The following LGI3 variants were observed in gnomAD, a reference collection of about 807,000 sequenced individuals.
LGI3 encodes leucine-rich repeat LGI family member 3.
A neutral mutation model predicts 55.4 loss-of-function variants in LGI3; 47 were observed. That is an observed-to-expected ratio of 0.85 (90% CI 0.67 to 1.08). The LOEUF (loss-of-function observed/expected upper bound fraction) is 1.08. Among genes scored for constraint, LGI3 ranks in the 50% least tolerant of loss-of-function variants. The probability of loss-of-function intolerance (pLI) is 0.00; values close to 1 mark genes in which losing one functional copy is unlikely to be tolerated. For missense variants in LGI3, 664 were observed against 726.3 expected, an observed-to-expected ratio of 0.91 and a Z score of 0.99; for synonymous variants, 326 against 315.0, an observed-to-expected ratio of 1.04 and a Z score of -0.37.
At chr8:22,150,082 G>T (rs1235515286) in intron 7 of LGI3, among the ~76,000 whole-genome samples, 1 of 152,104 alleles carries the variant, frequency 6.6e-6, no homozygotes, top group Non-Finnish European at 1.5e-5. Flanking sequence ...TAACACCTTT[G>T]TCTCCTCCAC....
intron 7 of LGI3, among the ~76,000 whole-genome samples, chr8:22,150,093 T>A (rs1447376236): frequency 6.6e-6 from 1 of 152,118 alleles, no homozygotes; most frequent in African/African-American, 2.4e-5. Flanking sequence ...TCTCCTCCAC[T>A]CACCCTTCCC....
In LGI3 at chr8:22,151,484, G is replaced by A. The variant is rs575298877; in HGVS notation, c.829+5C>T. 1 of 1,613,460 alleles carries A rather than the reference G, an allele frequency of 6.2e-7. No homozygotes were observed. The highest frequency in any genetic ancestry group is 2.2e-5 in the East Asian group (1 of 44,864). ...GGCCAGCAGAACCAGATTGGGCGCA[G>A]GTACCTGGGATTCTATCATAGTCTC... is the stretch of plus-strand genomic sequence containing the variant. On this transcript the variant is annotated splice_donor_5th_base_variant and intron_variant, in intron 7 of 7. Coordinates refer to ENST00000306317, the MANE Select transcript of LGI3 (RefSeq NM_139278.4).
At chr8:22,150,749 T>TTCTGTTCAGCA (rs1827367314) in intron 7 of LGI3, among the ~76,000 whole-genome samples, 1 of 151,888 alleles carries the variant, frequency 6.6e-6, no homozygotes, top group Non-Finnish European at 1.5e-5. Flanking sequence ...CAGGCACATA[T>TTCTGTTCAGCA]CCCCCTACTG....
intron 5 of LGI3, among the ~76,000 whole-genome samples, chr8:22,153,711 T>TA (rs534582339): frequency 0.053 from 6,867 of 130,238 alleles, 229 homozygotes; most frequent in African/African-American, 0.1. Context: ...CGTCTATAAT[T>TA]AAAAAAAAAA....
intron 7 of LGI3, among the ~76,000 whole-genome samples, chr8:22,149,712 C>T (rs562226101): frequency 3.2e-4 from 48 of 152,260 alleles, no homozygotes; most frequent in African/African-American, 8.4e-4. Context: ...AGCTGCTGCC[C>T]GGCATCTCCA....
chr8:22,156,387 G>A lies in LGI3; in HGVS notation c.156C>T (p.Cys52=). The A allele has an allele frequency of 6.2e-7, 1 of 1,604,304 alleles. No homozygotes were observed. Among genetic ancestry groups the A allele is most frequent in the South Asian group, 1.1e-5 (1 of 90,172 alleles). The part of the protein sequence containing the change: ...SCSCTRDTAF[C]VDSKAVPRNL... ...TCCTGGGCACCGCCTTTGAGTCCACGCAGAAGGCGGTGTCCCTGGTGCAAG... is the reference window on the plus strand; with the variant it reads ...TCCTGGGCACCGCCTTTGAGTCCACACAGAAGGCGGTGTCCCTGGTGCAAG... Residue 52 remains cysteine (C), a synonymous_variant, in exon 1 of 8, where the codon TGC becomes TGT. Transcript: ENST00000306317.
Position 22,153,606 on chromosome 8 carries a change from A to G in LGI3, c.494+362T>C, listed in dbSNP as rs1004682598. 5.3e-5 allele frequency among the ~76,000 whole-genome samples: 8 copies of G among 151,866 alleles called. No homozygotes were observed. The East Asian group carries it at 1.6e-3, about 30-fold the overall frequency. On this transcript the variant is annotated intron_variant, in intron 5 of 7. Transcript: ENST00000306317. Reference sequence around the variant, plus strand: ...AGTCCCTTAGTCCCAGCTACTCCAGAGGCTGAGGAAGAATCGCTTGAACCT... The same window carrying G: ...AGTCCCTTAGTCCCAGCTACTCCAGGGGCTGAGGAAGAATCGCTTGAACCT...
At chr8:22,151,445 C>A (rs775618894) in intron 7 of LGI3, 44 bp downstream of exon 7, 2 of 1,597,392 alleles carry the variant, frequency 1.3e-6, no homozygotes, top group South Asian at 1.1e-5. Context: ...CCACTCCCCC[C>A]TCCCCCTAGC....
intron 6 of LGI3, 53 bp from the exon 7 acceptor site, chr8:22,151,706 C>A: frequency 6.3e-7 from 1 of 1,593,984 alleles, no homozygotes; most frequent in Non-Finnish European, 8.6e-7. Context: ...GGAAGGGCTG[C>A]TTGGGTGATG....
chr8:22,156,435 C>G lies in LGI3; in HGVS notation c.108G>C (p.Thr36=), dbSNP rs986408505. The change falls in exon 1 of 8, where the codon ACG becomes ACC. Residue 36 remains threonine (T), a synonymous_variant. Coordinates refer to ENST00000306317, the MANE Select transcript of LGI3 (RefSeq NM_139278.4). ...AAGAGCAGCTGGGCGGGCAGGGGGG[C>G]GTCTTGGGGGGCCTCTTAGCGCTGA... The part of the protein sequence containing the change: ...LQVSAKRPPK[T]PPCPPSCSCT... The G allele has an allele frequency of 6.4e-7, 1 of 1,572,330 alleles. No homozygotes were observed.
intron 2 of LGI3, chr8:22,154,866 T>G (rs1827467005): frequency 1.8e-6 from 1 of 548,604 alleles, no homozygotes; most frequent in Non-Finnish European, 3.3e-6. Flanking sequence ...GGCAGAGCTC[T>G]CTTGTCAAGC....
intron 5 of LGI3, 116 bp from the exon 6 acceptor site, chr8:22,152,116 TC>T: frequency 1.3e-6 from 1 of 742,948 alleles, no homozygotes; most frequent in South Asian, 2.0e-5. Flanking sequence ...TGCAAGTTGC[TC>T]ACATGCATCT....
intron 5 of LGI3, among the ~76,000 whole-genome samples, chr8:22,152,682 A>G (rs1827394916): frequency 6.9e-6 from 1 of 144,298 alleles, no homozygotes; most frequent in Admixed American, 7.2e-5. Flanking sequence ...CAGAGGTTGC[A>G]GTGAGCGGAG....
chr8:22,149,349 C>T (rs889955811), intron 7 of LGI3, among the ~76,000 whole-genome samples: 1 of 152,146 alleles, frequency 6.6e-6, no homozygotes, highest in Non-Finnish European at 1.5e-5. Flanking sequence ...GAATTCATCA[C>T]GCTGGAAAGG....
chr8:22,151,519 G>A lies in LGI3; in HGVS notation c.799C>T (p.Arg267Trp), dbSNP rs560898710. ...ATTCTATCATAGTCTCGAAGCTGCC[G>A]CTCAACATAGTCCCACTTCAGGATG... The part of the protein sequence containing the change: ...CTILKWDYVE[R>W]QLRDYDRIPA... Residue 267 changes from arginine to tryptophan, a missense_variant, in exon 7 of 8, where the codon CGG becomes TGG. Arg to Trp is a moderately radical substitution (Grantham distance 101, BLOSUM62 -3). Transcript: ENST00000306317. 1.2e-5 allele frequency: 19 copies of A among 1,614,014 alleles called. No homozygotes were observed. Among genetic ancestry groups the A allele is most frequent in the Admixed American group, 6.7e-5 (4 of 60,024 alleles).
intron 7 of LGI3, among the ~76,000 whole-genome samples, chr8:22,150,593 C>CGT (rs1488317056): frequency 6.6e-6 from 1 of 151,940 alleles, no homozygotes; most frequent in Non-Finnish European, 1.5e-5. Context: ...CTCCTGACCT[C>CGT]GTGATCCACC....
In LGI3 at chr8:22,156,520, C is replaced by T. The variant is rs773702971; in HGVS notation, c.23G>A (p.Gly8Glu). 4 of 1,363,134 alleles carry T rather than the reference C, an allele frequency of 2.9e-6. No individual in the cohort carries two copies. The East Asian group carries it at 1.2e-4, about 41-fold the overall frequency. The allele number at this position is 1,363,134 out of a possible 1,614,324, so 84.4% of individuals were successfully genotyped here. The change falls in exon 1 of 8, where the codon GGG (glycine) becomes GAG (glutamate). Residue 8 changes from glycine to glutamate, a missense_variant. Gly to Glu is a moderately conservative substitution (Grantham distance 98, BLOSUM62 -2). Transcript: ENST00000306317. MAGLRAR[G>E]GPGPGLLALS... ...CGCCAGCAGCCCCGGCCCCGGGCCC[C>T]CCCTGGCCCGCAGCCCCGCCATGCT...
intron 7 of LGI3, among the ~76,000 whole-genome samples, chr8:22,150,774 A>G (rs767737503): frequency 6.6e-6 from 1 of 151,682 alleles, no homozygotes; most frequent in Non-Finnish European, 1.5e-5. Flanking sequence ...GCCCTCATGT[A>G]TGGCCCCACA....
intron 7 of LGI3, among the ~76,000 whole-genome samples, chr8:22,150,767 C>T (rs2131793504): frequency 6.6e-6 from 1 of 152,122 alleles, no homozygotes; most frequent in East Asian, 1.9e-4. Flanking sequence ...CTGTTCTGCC[C>T]TCATGTATGG....
Sources: gnomAD v4.1 joint callset for allele counts (sites outside exome capture counted in the v4.1 genomes callset) on GRCh38, gnomAD v4.1.1 for gene constraint, MANE v1.5 for transcripts, NCBI Gene and HGNC (gene_info 2026-07-23, HGNC 2026-07-21) for gene names.